Variants in RANBP17 observed in about 807,000 individuals in gnomAD.
RANBP17 encodes ran-binding protein 17.
RANBP17 carries 158 observed loss-of-function variants against 141.2 expected under a neutral mutation model. The observed-to-expected ratio is 1.12, with a 90% CI of 0.98 to 1.28. RANBP17 has a LOEUF of 1.28. Ranked by LOEUF, RANBP17 falls within the 50% of genes most tolerant of loss-of-function variation. The pLI is 0.00. For missense variants in RANBP17, 1,438 were observed against 1,290.7 expected (o/e 1.11, Z -1.75); for synonymous variants, 430 against 450.0 (o/e 0.96, Z 0.56).
At chr5:171,017,835 A>G (rs1780557261) in intron 14 of RANBP17, among the ~76,000 whole-genome samples, 1 of 152,132 alleles carries the variant, frequency 6.6e-6, no homozygotes, top group Admixed American at 6.5e-5. Context: ...GCCCATGCCT[A>G]TATCCTGAAT....
intron 25 of RANBP17, among the ~76,000 whole-genome samples, chr5:171,283,379 G>A (rs1767966216): frequency 6.6e-6 from 1 of 152,168 alleles, no homozygotes; most frequent in Non-Finnish European, 1.5e-5. Context: ...GAGGAATGAG[G>A]TTCTATTCCC....
intron 4 of RANBP17, 137 bp downstream of exon 4, chr5:170,892,690 G>T: frequency 1.5e-6 from 1 of 648,070 alleles, no homozygotes; most frequent in Non-Finnish European, 2.6e-6. Context: ...TTATCCTCTG[G>T]ATCCTTTATC....
At chr5:170,863,181 G>A (rs1766965333) in intron 1 of RANBP17, among the ~76,000 whole-genome samples, 1 of 152,174 alleles carries the variant, frequency 6.6e-6, no homozygotes, top group Non-Finnish European at 1.5e-5. Flanking sequence ...AGGATATGGA[G>A]GTAGAAGGAC....
chr5:171,025,530 C>T (rs1306065436), intron 14 of RANBP17, among the ~76,000 whole-genome samples: 1 of 151,634 alleles, frequency 6.6e-6, no homozygotes, highest in Non-Finnish European at 1.5e-5. Flanking sequence ...CCCTCACTCC[C>T]TCCTCTTAGG....
chr5:171,039,587 C>G (rs1004701570), intron 14 of RANBP17, among the ~76,000 whole-genome samples: 1 of 151,706 alleles, frequency 6.6e-6, no homozygotes, highest in Non-Finnish European at 1.5e-5. Context: ...TAATTAGTTC[C>G]CATTTGTCAA....
intron 14 of RANBP17, among the ~76,000 whole-genome samples, chr5:171,120,838 T>C (rs2127772812): frequency 6.6e-6 from 1 of 152,368 alleles, no homozygotes; most frequent in East Asian, 1.9e-4. Context: ...AAATTGCCTC[T>C]TCCAATTTTA....
chr5:171,122,728 C>T (rs1484439848), intron 14 of RANBP17, among the ~76,000 whole-genome samples: 1 of 152,208 alleles, frequency 6.6e-6, no homozygotes, highest in Non-Finnish European at 1.5e-5. Context: ...ACTTGTAGTC[C>T]ACGCAGTGGC....
intron 12 of RANBP17, among the ~76,000 whole-genome samples, chr5:170,930,360 G>A (rs1255384503): frequency 1.3e-5 from 2 of 150,560 alleles, no homozygotes; most frequent in African/African-American, 4.9e-5. Flanking sequence ...CACGAGTTTT[G>A]TAGTTTTATT....
rs1394377631 is a variant in RANBP17 at position 171,086,478 on chromosome 5, A to G, written c.1711-83652A>G. 1.9e-3 allele frequency among the ~76,000 whole-genome samples: 269 copies of G among 144,298 alleles called. 1 individual carries two copies. The highest frequency in any genetic ancestry group is 6.6e-3 in the African/African-American group (256 of 38,718). 94.7% of individuals were successfully genotyped at this position (144,298 alleles called of 152,430 possible). ...GGTATCAGAATGATGCTGGCCTCAT[A>G]AAATGAGTTAGGGAGGATTCCCTCT... On this transcript the variant is annotated intron_variant, in intron 14 of 27. Coordinates refer to ENST00000523189, the MANE Select transcript of RANBP17 (RefSeq NM_022897.5).
chr5:171,107,743 A>T (rs1159819715), intron 14 of RANBP17, among the ~76,000 whole-genome samples: 2 of 152,252 alleles, frequency 1.3e-5, no homozygotes, highest in Non-Finnish European at 2.9e-5. Flanking sequence ...ATCTTGCCTT[A>T]CAAGGGAAAT....
At chr5:171,215,125 A>G (rs999058789) in intron 21 of RANBP17, among the ~76,000 whole-genome samples, 3 of 151,838 alleles carry the variant, frequency 2.0e-5, no homozygotes, top group East Asian at 1.9e-4. Context: ...TCATTGTTCA[A>G]CTACCACTTA....
At chr5:170,939,133 G>A (rs1280202350) in intron 12 of RANBP17, among the ~76,000 whole-genome samples, 1 of 151,978 alleles carries the variant, frequency 6.6e-6, no homozygotes, top group Non-Finnish European at 1.5e-5. Context: ...AAATAACTGA[G>A]CAAAAATAAC....
intron 22 of RANBP17, among the ~76,000 whole-genome samples, chr5:171,229,361 A>G (rs1404482375): frequency 2.0e-5 from 3 of 152,130 alleles, no homozygotes; most frequent in Middle Eastern, 3.2e-3. Context: ...TCCTTCATCC[A>G]TGCACCTAAC....
At chr5:170,862,376 G>C (rs1307288542) in intron 1 of RANBP17, among the ~76,000 whole-genome samples, 1 of 152,208 alleles carries the variant, frequency 6.6e-6, no homozygotes, top group East Asian at 1.9e-4. Flanking sequence ...CGGCTTTAGT[G>C]TTGCCAGGGC....
At chr5:171,228,117 A>G (rs1221681614) in intron 22 of RANBP17, among the ~76,000 whole-genome samples, 1 of 152,250 alleles carries the variant, frequency 6.6e-6, no homozygotes. Context: ...TCAGAAATAC[A>G]TTCTGTAAGG....
chr5:171,058,311 C>T (rs1191398431), intron 14 of RANBP17, among the ~76,000 whole-genome samples: 1 of 101,912 alleles, frequency 9.8e-6, no homozygotes, highest in Non-Finnish European at 1.9e-5. Context: ...TCCCTCCCCC[C>T]TCCCCCCACC....
At chr5:171,183,508 G>A in intron 18 of RANBP17, 78 bp downstream of exon 18, 1 of 922,900 alleles carries the variant, frequency 1.1e-6, no homozygotes, top group Non-Finnish European at 1.7e-6. Context: ...AGTACTAGTG[G>A]GTACAACATT....
intron 18 of RANBP17, among the ~76,000 whole-genome samples, chr5:171,189,126 CAGAA>C (rs1561746604): frequency 6.6e-6 from 1 of 151,926 alleles, no homozygotes; most frequent in Non-Finnish European, 1.5e-5. Context: ...TTGAGAGAAA[CAGAA>C]AGAGGCTATG....
chr5:170,923,482 C>G (rs1302827428), intron 11 of RANBP17, among the ~76,000 whole-genome samples: 2 of 152,108 alleles, frequency 1.3e-5, no homozygotes, highest in Non-Finnish European at 2.9e-5. Context: ...ACTTTCTTTG[C>G]TTTTCCATGT....
Sources: allele counts gnomAD v4.1 joint callset (sites outside exome capture counted in the v4.1 genomes callset), GRCh38; gene constraint gnomAD v4.1.1; transcripts MANE v1.5; gene names NCBI Gene and HGNC (gene_info 2026-07-23, HGNC 2026-07-21).